INIP: variants seen among roughly 807,000 people sequenced by gnomAD.
INIP encodes the protein SOSS complex subunit C.
INIP carries 9 observed loss-of-function variants against 14.0 expected under a neutral mutation model. The ratio of observed to expected loss-of-function variants is 0.64; its 90% CI spans 0.39 to 1.12. INIP has a LOEUF of 1.12. Among genes scored for constraint, INIP ranks in the 50% most tolerant of loss-of-function variants. The probability of loss-of-function intolerance (pLI) is 0.01; values close to 1 mark genes in which losing one functional copy is unlikely to be tolerated. For synonymous variants in INIP, 37 were observed against 41.5 expected (o/e 0.89, Z 0.41); for missense variants, 78 against 122.7 (o/e 0.64, Z 1.72).
chr9:112,690,928 T>C (rs1053894257), intron 3 of INIP, among the ~76,000 whole-genome samples: 2 of 152,206 alleles, frequency 1.3e-5, no homozygotes, highest in Admixed American at 1.3e-4. Context: ...AAAGGAAAGA[T>C]GAATGAAGCT....
intron 2 of INIP, among the ~76,000 whole-genome samples, chr9:112,714,398 C>A (rs1366128202): frequency 6.6e-6 from 1 of 152,192 alleles, no homozygotes; most frequent in East Asian, 1.9e-4. Context: ...AAGTGGTTAA[C>A]TACTTGCCAA....
chr9:112,686,948 A>G lies in INIP; in HGVS notation c.*590T>C, dbSNP rs1313316533. 2 of 152,382 alleles carry G rather than the reference A, an allele frequency of 1.3e-5. No individual in the cohort carries two copies. The highest frequency in any genetic ancestry group is 1.9e-4 in the East Asian group (1 of 5,192). 9.4% of individuals were successfully genotyped at this position (152,382 alleles called of 1,614,324 possible). A position where few individuals can be genotyped will look rare whatever the true frequency, so the allele number is the denominator to read the frequency against. On this transcript the variant is annotated 3_prime_UTR_variant, in exon 5 of 5. Transcript: ENST00000374242. ...ATCTAGTCACAACATTTATAAGAGC[A>G]TATGTTTATAAAAGATGGTTAAGAC...
intron 2 of INIP, among the ~76,000 whole-genome samples, chr9:112,700,538 T>TATATATATATATA (rs112196431): frequency 1.7e-4 from 21 of 122,182 alleles, no homozygotes; most frequent in African/African-American, 7.7e-4. Flanking sequence ...TATATATATA[T>TATATATATATATA]TATATATACC....
intron 1 of INIP, among the ~76,000 whole-genome samples, 177 bp from the exon 2 acceptor site, chr9:112,716,718 G>A (rs1010467741): frequency 8.6e-5 from 13 of 152,008 alleles, no homozygotes; most frequent in African/African-American, 3.1e-4. Flanking sequence ...AGGCCGAGGC[G>A]GGCGGATCAC....
In INIP at chr9:112,715,099, T is replaced by C. The variant is rs146931788; in HGVS notation, c.25+1362A>G. 1.4e-3 allele frequency among the ~76,000 whole-genome samples: 205 copies of C among 149,306 alleles called. 2 individuals carry two copies. The highest frequency in any genetic ancestry group is 4.8e-3 in the African/African-American group (193 of 40,460). ...ATTCTAGAATCACAAATAAAGCCAA[T>C]TGAGATCTTAAAATACACACATACA... On this transcript the variant is annotated intron_variant, in intron 2 of 4. Coordinates refer to ENST00000374242, the MANE Select transcript of INIP (RefSeq NM_021218.3).
chr9:112,710,125 T>C (rs1042386127), intron 2 of INIP, among the ~76,000 whole-genome samples: 4 of 152,214 alleles, frequency 2.6e-5, no homozygotes, highest in African/African-American at 9.7e-5. Flanking sequence ...CTTGCTTTCC[T>C]TCTGGACCAT....
In INIP at chr9:112,716,544, A is replaced by G. The variant is rs983421195; in HGVS notation, c.-56-3T>C. ...ATTGGTCAGCACTTCACAATCACCT[A>G]TAAAATATGTGTACACACATATACA... On this transcript the variant is annotated splice_region_variant and splice_polypyrimidine_tract_variant and intron_variant, in intron 1 of 4. Coordinates refer to ENST00000374242, the MANE Select transcript of INIP (RefSeq NM_021218.3). 3 of 1,457,616 alleles carry G rather than the reference A, an allele frequency of 2.1e-6. No individual in the cohort carries two copies. The highest frequency in any genetic ancestry group is 1.9e-6 in the Non-Finnish European group (2 of 1,037,578). 90.3% of individuals were successfully genotyped at this position (1,457,616 alleles called of 1,614,324 possible). A position where few individuals can be genotyped will look rare whatever the true frequency, so the allele number is the denominator to read the frequency against.
At position 112,718,063 on chromosome 9, in the gene INIP, G is replaced by A. The variant is rs1190561824; in HGVS notation, c.-133C>T. 7 of 152,794 alleles carry A rather than the reference G, an allele frequency of 4.6e-5. No homozygotes were observed. In the East Asian group the frequency reaches 9.6e-4, roughly 21 times the overall value. The allele number at this position is 152,794 out of a possible 1,614,324, so 9.5% of individuals were successfully genotyped here. A position where few individuals can be genotyped will look rare whatever the true frequency, so the allele number is the denominator to read the frequency against. ...AGGGGGCGCGACCACTTAGGCAAGA[G>A]GAGCTCAACTCGCGGCACTACAACC... On this transcript the variant is annotated 5_prime_UTR_variant, in exon 1 of 5. Coordinates refer to ENST00000374242, the MANE Select transcript of INIP (RefSeq NM_021218.3).
chr9:112,705,767 T>C (rs1303222313), intron 2 of INIP, among the ~76,000 whole-genome samples: 1 of 152,130 alleles, frequency 6.6e-6, no homozygotes, highest in Non-Finnish European at 1.5e-5. Context: ...TGCTTGGGAA[T>C]TGGCAAATAA....
intron 2 of INIP, 67 bp downstream of exon 2, chr9:112,716,392 TTC>T: frequency 6.9e-7 from 1 of 1,448,768 alleles, no homozygotes; most frequent in Non-Finnish European, 9.7e-7. Flanking sequence ...ATGCTAAATT[TTC>T]TCTTATTCAA....
chr9:112,691,945 G>C lies in INIP; in HGVS notation c.128+2186C>G, dbSNP rs972154581. Among the ~76,000 whole-genome samples the C allele has an allele frequency of 2.6e-5, 4 of 152,266 alleles. No homozygotes were observed. The South Asian group carries it at 6.2e-4, about 24-fold the overall frequency. ...GAATCACTTGAACATGGGAGGCAGA[G>C]GTTGCAGTGAGCCAAGATCGTGCCA... On this transcript the variant is annotated intron_variant, in intron 3 of 4. Coordinates refer to ENST00000374242, the MANE Select transcript of INIP (RefSeq NM_021218.3).
chr9:112,711,698 C>T (rs1838652225), intron 2 of INIP, among the ~76,000 whole-genome samples: 1 of 151,996 alleles, frequency 6.6e-6, no homozygotes, highest in Non-Finnish European at 1.5e-5. Context: ...ATGATTAGTC[C>T]ACAGAGCACA....
chr9:112,700,370 G>A (rs1277112796), intron 2 of INIP, among the ~76,000 whole-genome samples: 1 of 151,870 alleles, frequency 6.6e-6, no homozygotes, highest in East Asian at 1.9e-4. Flanking sequence ...AGGCCCCTGG[G>A]ATTTTTCCAT....
At chr9:112,701,391 G>A (rs965248972) in intron 2 of INIP, among the ~76,000 whole-genome samples, 3 of 152,210 alleles carry the variant, frequency 2.0e-5, no homozygotes, top group African/African-American at 7.2e-5. Flanking sequence ...CAGTGAGCCT[G>A]TTACCCAAAT....
intron 2 of INIP, among the ~76,000 whole-genome samples, chr9:112,708,175 T>C (rs896383614): frequency 3.9e-5 from 6 of 152,218 alleles, no homozygotes; most frequent in Non-Finnish European, 8.8e-5. Flanking sequence ...ACAATCATTA[T>C]TGTAGGAATG....
intron 2 of INIP, among the ~76,000 whole-genome samples, chr9:112,700,191 G>T (rs1305219003): frequency 6.6e-6 from 1 of 152,108 alleles, no homozygotes; most frequent in Admixed American, 6.5e-5. Flanking sequence ...TTTTCACACA[G>T]TAGTTGTTGG....
chr9:112,703,202 G>C (rs1486222765), intron 2 of INIP, among the ~76,000 whole-genome samples: 2 of 152,140 alleles, frequency 1.3e-5, no homozygotes, highest in African/African-American at 4.8e-5. Context: ...AAAGTTATAT[G>C]CCAATATGAT....
intron 2 of INIP, among the ~76,000 whole-genome samples, chr9:112,695,255 G>GAAAAAAAAA (rs60657759): frequency 4.6e-5 from 3 of 64,688 alleles, no homozygotes; most frequent in African/African-American, 6.1e-5. Flanking sequence ...CAGAACTACA[G>GAAAAAAAAA]AAAAAAAAAA....
chr9:112,691,458 G>A lies in INIP; in HGVS notation c.129-1841C>T, dbSNP rs1036617876. 4.6e-5 allele frequency among the ~76,000 whole-genome samples: 7 copies of A among 152,300 alleles called. No homozygotes were observed. The East Asian group carries it at 1.4e-3, about 29-fold the overall frequency. ...ACATCAAAGTAGAGACATCCAGGAG[G>A]CAGAGGTGGTGCTTAGAAGAAAGGA... On this transcript the variant is annotated intron_variant, in intron 3 of 4. Coordinates refer to ENST00000374242, the MANE Select transcript of INIP (RefSeq NM_021218.3).
Sources: gnomAD v4.1 joint callset for allele counts (sites outside exome capture counted in the v4.1 genomes callset) on GRCh38, gnomAD v4.1.1 for gene constraint, MANE v1.5 for transcripts, NCBI Gene and HGNC (gene_info 2026-07-23, HGNC 2026-07-21) for gene names.